The following CELF2 variants were observed in gnomAD, a reference collection of about 807,000 sequenced individuals.
CELF2 encodes CUG triplet repeat RNA-binding protein 2.
A neutral mutation model predicts 62.6 loss-of-function variants in CELF2; 8 were observed. The observed-to-expected ratio is 0.13, with a 90% confidence interval of 0.07 to 0.23. The LOEUF (loss-of-function observed/expected upper bound fraction) is 0.23, where lower values mean the gene tolerates loss of function less well. Ranked by LOEUF, CELF2 falls within the 10% of genes least tolerant of loss-of-function variation. CELF2 has a pLI of 1.00. For synonymous variants in CELF2, 258 were observed against 250.0 expected, an observed-to-expected ratio of 1.03 and a Z score of -0.30; for missense variants, 333 against 671.0, an observed-to-expected ratio of 0.50 and a Z score of 5.56.
At chr10:10,523,492 CATT>C in the CELF2 span, among the ~76,000 whole-genome samples, 2 of 152,134 alleles carry the variant, frequency 1.3e-5, no homozygotes, top group Non-Finnish European at 2.9e-5. Flanking sequence ...CATTTACAGA[CATT>C]ATGACTGGGG....
chr10:11,035,801 A>T (rs777690348), intron 1 of CELF2, among the ~76,000 whole-genome samples: 1 of 152,244 alleles, frequency 6.6e-6, no homozygotes, highest in Non-Finnish European at 1.5e-5. Context: ...GTGCAGCTGT[A>T]GCCAGATATA....
the CELF2 span, among the ~76,000 whole-genome samples, chr10:10,481,965 T>C: frequency 6.6e-6 from 1 of 152,244 alleles, no homozygotes; most frequent in Non-Finnish European, 1.5e-5. Context: ...TGATTCTGAA[T>C]CCTCAATGGC....
At chr10:11,219,567 G>A (rs747388494) in intron 3 of CELF2, among the ~76,000 whole-genome samples, 6 of 152,168 alleles carry the variant, frequency 3.9e-5, no homozygotes, top group Non-Finnish European at 7.3e-5. Flanking sequence ...TGATTTGTAA[G>A]GCTGATAGCC....
chr10:11,019,213 A>G (rs1162827323), intron 1 of CELF2, among the ~76,000 whole-genome samples: 1 of 152,206 alleles, frequency 6.6e-6, no homozygotes, highest in Non-Finnish European at 1.5e-5. Flanking sequence ...AAAGAGAGAA[A>G]AGATTGCCAG....
At chr10:10,581,571 A>G in the CELF2 span, among the ~76,000 whole-genome samples, 1 of 152,296 alleles carries the variant, frequency 6.6e-6, no homozygotes, top group East Asian at 1.9e-4. Context: ...CAGGCAAACC[A>G]GGGTAGTCAC....
chr10:10,842,432 A>G (rs764938087), intron 1 of CELF2, among the ~76,000 whole-genome samples: 4 of 152,066 alleles, frequency 2.6e-5, no homozygotes, highest in Non-Finnish European at 4.4e-5. Flanking sequence ...TAGGTTTTAA[A>G]ATATATGCTC....
intron 2 of CELF2, among the ~76,000 whole-genome samples, chr10:11,197,641 G>T (rs1045415355): frequency 2.0e-5 from 3 of 152,240 alleles, no homozygotes; most frequent in Non-Finnish European, 4.4e-5. Context: ...TCCCCCGCCT[G>T]ATCCGCTGAA....
intron 1 of CELF2, among the ~76,000 whole-genome samples, chr10:11,065,563 TGAG>T (rs1224116628): frequency 2.0e-5 from 3 of 152,244 alleles, no homozygotes; most frequent in Non-Finnish European, 4.4e-5. Context: ...CATGTCAAAA[TGAG>T]GGGGGGATCC....
At chr10:11,317,796 G>A (rs1251940889) in intron 10 of CELF2, 1 of 152,294 alleles carries the variant, frequency 6.6e-6, no homozygotes, top group Non-Finnish European at 1.5e-5. Flanking sequence ...GAATGAGGCA[G>A]AAGAAACTCA....
chr10:10,696,941 T>C, the CELF2 span, among the ~76,000 whole-genome samples: 1 of 152,188 alleles, frequency 6.6e-6, no homozygotes, highest in Non-Finnish European at 1.5e-5. Context: ...ATCACCCGTC[T>C]TCTGCGTCGC....
the CELF2 span, among the ~76,000 whole-genome samples, chr10:10,744,588 G>A: frequency 1.3e-5 from 2 of 152,146 alleles, no homozygotes; most frequent in African/African-American, 2.4e-5. Flanking sequence ...TGCCCTATAC[G>A]GCAAATCCCA....
chr10:11,060,800 A>T (rs967286299), intron 1 of CELF2, among the ~76,000 whole-genome samples: 1 of 152,200 alleles, frequency 6.6e-6, no homozygotes, highest in African/African-American at 2.4e-5. Context: ...TATAACTGTT[A>T]CAGTGATCTG....
intron 2 of CELF2, chr10:10,946,338 G>A (rs1201056199): frequency 6.6e-6 from 1 of 152,348 alleles, no homozygotes; most frequent in South Asian, 2.1e-4. Context: ...ACTCATTAAG[G>A]GTGTAGAAAT....
intron 8 of CELF2, among the ~76,000 whole-genome samples, chr10:11,287,529 TCA>T (rs1323609047): frequency 6.6e-6 from 1 of 152,210 alleles, no homozygotes; most frequent in Non-Finnish European, 1.5e-5. Context: ...TTTTCATGAG[TCA>T]CACATTTATT....
At chr10:10,673,952 G>C in the CELF2 span, among the ~76,000 whole-genome samples, 1 of 152,156 alleles carries the variant, frequency 6.6e-6, no homozygotes, top group Admixed American at 6.5e-5. Flanking sequence ...AATATTGTCT[G>C]TCTTTGTGAA....
chr10:10,884,410 A>G (rs1287779187), intron 1 of CELF2, among the ~76,000 whole-genome samples: 1 of 152,200 alleles, frequency 6.6e-6, no homozygotes, highest in Non-Finnish European at 1.5e-5. Context: ...ACCATTGCCC[A>G]TTGCTAAACC....
chr10:10,906,072 A>G (rs2063319992), intron 1 of CELF2, among the ~76,000 whole-genome samples: 1 of 151,920 alleles, frequency 6.6e-6, no homozygotes, highest in Non-Finnish European at 1.5e-5. Context: ...TTCTGTCTCA[A>G]TAAAAATAAA....
chr10:10,910,414 G>C (rs2063705159), intron 1 of CELF2, among the ~76,000 whole-genome samples: 1 of 152,106 alleles, frequency 6.6e-6, no homozygotes, highest in Non-Finnish European at 1.5e-5. Context: ...AAGAAACACA[G>C]GCCAGTGCAG....
At chr10:10,497,064 G>T in the CELF2 span, among the ~76,000 whole-genome samples, 1 of 151,998 alleles carries the variant, frequency 6.6e-6, no homozygotes, top group Non-Finnish European at 1.5e-5. Flanking sequence ...GGTGGCACAT[G>T]CCTATAATCC....
Sources: gnomAD v4.1 joint callset for allele counts (sites outside exome capture counted in the v4.1 genomes callset) on GRCh38, gnomAD v4.1.1 for gene constraint, MANE v1.5 for transcripts, NCBI Gene and HGNC (gene_info 2026-07-23, HGNC 2026-07-21) for gene names.